The following SLCO2A1 variants were observed in gnomAD, a reference collection of about 807,000 sequenced individuals.
SLCO2A1 encodes the protein solute carrier organic anion transporter family member 2A1.
In SLCO2A1, 60 loss-of-function variants were observed where a neutral mutation model predicts 71.7. The observed-to-expected ratio is 0.84, with a 90% CI of 0.68 to 1.04. The LOEUF (loss-of-function observed/expected upper bound fraction) is 1.04. SLCO2A1 is among the 50% of genes least tolerant of loss of function. The pLI, the probability that SLCO2A1 is intolerant of heterozygous loss-of-function variation, is 0.00. For missense variants in SLCO2A1, 745 were observed against 813.4 expected, an observed-to-expected ratio of 0.92 and a Z score of 1.02; for synonymous variants, 308 against 326.7, an observed-to-expected ratio of 0.94 and a Z score of 0.62.
intron 1 of SLCO2A1, 73 bp downstream of exon 1, chr3:134,029,634 A>G: frequency 7.8e-7 from 1 of 1,287,348 alleles, no homozygotes; most frequent in East Asian, 2.7e-5. Flanking sequence ...GCTCCGGCAG[A>G]CAGAAGCGGG....
intron 1 of SLCO2A1, among the ~76,000 whole-genome samples, chr3:133,997,443 G>C (rs1220358406): frequency 6.6e-6 from 1 of 152,248 alleles, no homozygotes; most frequent in Non-Finnish European, 1.5e-5. Context: ...CTGAAATCAA[G>C]TGGGCTCTAA....
intron 3 of SLCO2A1, among the ~76,000 whole-genome samples, chr3:133,970,971 T>C (rs1205858478): frequency 6.6e-6 from 1 of 152,264 alleles, no homozygotes; most frequent in East Asian, 1.9e-4. Flanking sequence ...CCAAACTGAC[T>C]GATTATTCCT....
At chr3:133,967,838 A>ATG (rs200618334) in intron 3 of SLCO2A1, among the ~76,000 whole-genome samples, 7 of 27,422 alleles carry the variant, frequency 2.6e-4, no homozygotes, top group Non-Finnish European at 4.9e-4. Flanking sequence ...CCCCCCACAC[A>ATG]TGAACACACG....
intron 1 of SLCO2A1, among the ~76,000 whole-genome samples, chr3:133,981,883 G>C (rs1418484175): frequency 6.6e-6 from 1 of 151,086 alleles, no homozygotes; most frequent in African/African-American, 2.4e-5. Context: ...GCTGAAGCAG[G>C]AGAATCGCTT....
intron 5 of SLCO2A1, 150 bp from the exon 6 acceptor site, chr3:133,951,494 A>G (rs1463460879): frequency 1.1e-6 from 1 of 915,118 alleles, no homozygotes; most frequent in Admixed American, 2.6e-5. Flanking sequence ...TCAAAACAAC[A>G]TTCCCTCTCC....
At chr3:134,008,148 T>A (rs1191701569) in intron 1 of SLCO2A1, among the ~76,000 whole-genome samples, 1 of 152,206 alleles carries the variant, frequency 6.6e-6, no homozygotes, top group African/African-American at 2.4e-5. Context: ...AGGTGACTTG[T>A]TAAAATTCAG....
At chr3:134,028,218 G>A (rs895366517) in intron 1 of SLCO2A1, among the ~76,000 whole-genome samples, 4 of 152,122 alleles carry the variant, frequency 2.6e-5, no homozygotes, top group Admixed American at 6.5e-5. Flanking sequence ...TGGTGAAAAT[G>A]AAGTGAGGTT....
chr3:134,010,573 T>G (rs9853087), intron 1 of SLCO2A1, among the ~76,000 whole-genome samples: 55,773 of 151,552 alleles, frequency 0.37, 11,418 homozygotes, highest in East Asian at 0.9. Context: ...CCAACATGGT[T>G]AAACCCTGTC....
At position 134,026,769 on chromosome 3, in the gene SLCO2A1, G is replaced by A. The variant is rs373853794; in HGVS notation, c.96+2938C>T. ...CTTGACTACTTGCTAGCAGCTGAAG[G>A]AGAGGTCTGTAGGAAATTTAACCTT... On this transcript the variant is annotated intron_variant, in intron 1 of 13. Coordinates refer to ENST00000310926, the MANE Select transcript of SLCO2A1 (RefSeq NM_005630.3). Among the ~76,000 whole-genome samples, 270 of 152,326 alleles carry A rather than the reference G, an allele frequency of 1.8e-3. 2 individuals carry two copies. The highest frequency in any genetic ancestry group is 6.2e-3 in the African/African-American group (256 of 41,562).
chr3:133,983,304 G>T (rs1934637177), intron 1 of SLCO2A1, among the ~76,000 whole-genome samples: 2 of 152,220 alleles, frequency 1.3e-5, no homozygotes, highest in African/African-American at 4.8e-5. Context: ...ACTCGGTTCA[G>T]ATTTTGGTCC....
At chr3:133,966,082 C>G (rs553397832) in intron 3 of SLCO2A1, among the ~76,000 whole-genome samples, 1 of 152,300 alleles carries the variant, frequency 6.6e-6, no homozygotes, top group South Asian at 2.1e-4. Flanking sequence ...GTGGGCCTGG[C>G]AGAGAGAACT....
intron 11 of SLCO2A1, among the ~76,000 whole-genome samples, chr3:133,939,514 C>T (rs1374967582): frequency 6.6e-6 from 1 of 152,242 alleles, no homozygotes; most frequent in Non-Finnish European, 1.5e-5. Context: ...TGTTTCACCA[C>T]CACCATCACA....
rs764860316 is a variant in SLCO2A1, at chr3:133,947,380, C to T, written c.1171G>A (p.Val391Ile). The change falls in exon 9 of 14, where the codon GTT (valine) becomes ATT (isoleucine). Residue 391 changes from valine (V) to isoleucine (I), a missense_variant. Coordinates refer to ENST00000310926, the MANE Select transcript of SLCO2A1 (RefSeq NM_005630.3). ...LFGGILMKRF[V>I]FSLQAIPRIA... ...CGGGGAATGGCTTGTAGAGAGAAAA[C>T]AAAGCGCTTCATGAGGATTCCTCCA... The T allele has an allele frequency of 1.2e-6, 2 of 1,614,042 alleles. No homozygotes were observed. Among genetic ancestry groups the T allele is most frequent in the South Asian group, 2.2e-5 (2 of 91,068 alleles).
rs371607278 is a variant in SLCO2A1, at chr3:133,945,158, G to A, written c.1398C>T (p.Tyr466=). The A allele has an allele frequency of 6.8e-6, 11 of 1,614,112 alleles. No individual in the cohort carries two copies. In the African/African-American group the frequency reaches 1.3e-4, roughly 20 times the overall value. ...HPVCGDNGIE[Y]LSPCHAGCSN... ...TGCAGCCGGCATGGCAAGGGGAGAG[G>A]TACTCGATTCCATTGTCTCCACAGA... Residue 466 remains tyrosine, a synonymous_variant, in exon 10 of 14, where the codon TAC becomes TAT. Transcript: ENST00000310926.
chr3:134,023,545 GTAGA>G (rs559283540), intron 1 of SLCO2A1, among the ~76,000 whole-genome samples: 82 of 152,296 alleles, frequency 5.4e-4, no homozygotes, highest in Non-Finnish European at 7.1e-4. Flanking sequence ...GCCCCCCGAT[GTAGA>G]GCTTTCATGC....
rs894370451 is a variant in SLCO2A1, at chr3:133,942,419, G to A, written c.1625+186C>T. The A allele has an allele frequency of 8.0e-6, 5 of 621,640 alleles. No homozygotes were observed. In the African/African-American group the frequency reaches 9.4e-5, roughly 12 times the overall value. The allele number at this position is 621,640 out of a possible 1,614,324, so 38.5% of individuals were successfully genotyped here. A position where few individuals can be genotyped will look rare whatever the true frequency, so the allele number is the denominator to read the frequency against. ...TCAGCACAGAGCCTCCCTGGGCAGG[G>A]CTCCCAGCACTGTTGCCATTAGTAT... On this transcript the variant is annotated intron_variant, in intron 11 of 13. Coordinates refer to ENST00000310926, the MANE Select transcript of SLCO2A1 (RefSeq NM_005630.3).
At chr3:134,004,240 A>T (rs904084351) in intron 1 of SLCO2A1, among the ~76,000 whole-genome samples, 3 of 152,200 alleles carry the variant, frequency 2.0e-5, no homozygotes, top group Admixed American at 6.5e-5. Context: ...AATGCCTTAC[A>T]TGAGAAAAGG....
chr3:133,993,478 T>C (rs1051281128), intron 1 of SLCO2A1, among the ~76,000 whole-genome samples: 1 of 151,696 alleles, frequency 6.6e-6, no homozygotes, highest in Non-Finnish European at 1.5e-5. Context: ...ATACCACAGA[T>C]TGAAAAAAAA....
intron 1 of SLCO2A1, among the ~76,000 whole-genome samples, chr3:133,992,918 TGA>T (rs1426844108): frequency 1.7e-4 from 21 of 126,304 alleles, no homozygotes; most frequent in African/African-American, 6.8e-4. Context: ...TCAGATGTCA[TGA>T]GTGTGGGTGC....
Sources: gnomAD v4.1 joint callset for allele counts (sites outside exome capture counted in the v4.1 genomes callset) on GRCh38, gnomAD v4.1.1 for gene constraint, MANE v1.5 for transcripts, NCBI Gene and HGNC (gene_info 2026-07-23, HGNC 2026-07-21) for gene names.